COL9A2: variants seen among roughly 807,000 people sequenced by gnomAD.
The protein encoded by COL9A2 is collagen type IX alpha 2 chain.
COL9A2 carries 66 observed loss-of-function variants against 111.6 expected under a neutral mutation model. The ratio of observed to expected loss-of-function variants is 0.59; its 90% confidence interval spans 0.48 to 0.73. COL9A2 has a LOEUF of 0.73. Among genes scored for constraint, COL9A2 ranks in the 30% least tolerant of loss-of-function variants. The probability of loss-of-function intolerance (pLI) is 0.00; values close to 1 mark genes in which losing one functional copy is unlikely to be tolerated. For synonymous variants in COL9A2, 353 were observed against 364.1 expected (o/e 0.97, Z 0.35); for missense variants, 881 against 954.1 (o/e 0.92, Z 1.01).
chr1:40,316,690 C>T lies in COL9A2; in HGVS notation c.75+433G>A, dbSNP rs771139996. The T allele has an allele frequency of 2.3e-6, 1 of 428,506 alleles. No individual in the cohort carries two copies. Among genetic ancestry groups the T allele is most frequent in the South Asian group, 1.6e-5 (1 of 61,106 alleles). 26.5% of individuals were successfully genotyped at this position (428,506 alleles called of 1,614,324 possible). ...CCCCCGGCGGCCCTCGGAAGGGAGA[C>T]GTGGGTAGGCGGGCAGGGCCGAGAG... On this transcript the variant is annotated intron_variant, in intron 1 of 31. Transcript: ENST00000372748. This position sits in a 1 kb window ranked among gnomAD's most constrained non-coding sequence, Gnocchi z 5.5.
Position 40,315,627 on chromosome 1 carries a change from G to T in COL9A2, c.113C>A (p.Pro38Gln), listed in dbSNP as rs1415426205. 1 of 1,553,236 alleles carries T rather than the reference G, an allele frequency of 6.4e-7. No individual in the cohort carries two copies. Among genetic ancestry groups the T allele is most frequent in the African/African-American group, 1.4e-5 (1 of 73,552 alleles). Residue 38 changes from proline to glutamine, a missense_variant, in exon 2 of 32, where the codon CCG becomes CAG. Physicochemically the swap from Pro to Gln is moderately conservative, Grantham distance 76. Transcript: ENST00000372748. ...GGATCCAGGCACTCCCGGCGGTCCC[G>T]GGGGACCCGGGGGGCCCCGCTCTCC... ...PPGERGPPGP[P>Q]GPPGVPGSDG...
intron 21 of COL9A2, chr1:40,305,061 CTTTTTTTTT>C (rs869251364): frequency 5.7e-5 from 7 of 123,654 alleles, no homozygotes; most frequent in East Asian, 5.0e-4. Context: ...TTCTTTCTTT[CTTTTTTTTT>C]TTTTTTTTTT....
chr1:40,304,129 C>A, intron 24 of COL9A2, 30 bp from the exon 25 acceptor site: 2 of 1,535,606 alleles, frequency 1.3e-6, no homozygotes, highest in Non-Finnish European at 1.8e-6. Context: ...AGGGGTTTGG[C>A]GAGCTCCCCC....
Position 40,307,579 on chromosome 1 carries a change from A to T in COL9A2, c.955-80T>A. On this transcript the variant is annotated intron_variant, in intron 18 of 31. Coordinates refer to ENST00000372748, the MANE Select transcript of COL9A2 (RefSeq NM_001852.4). The surrounding 1 kb of genome is among the most constrained non-coding windows in gnomAD (Gnocchi z 4.8). Reference sequence around the variant, plus strand: ...GGCTTCTACCCAGATGCAGGTAGGGAAACTGAGATCCAGAGGCAAGAAAGG... The same window carrying T: ...GGCTTCTACCCAGATGCAGGTAGGGTAACTGAGATCCAGAGGCAAGAAAGG... 6.3e-7 allele frequency: 1 copy of T among 1,591,266 alleles called. No homozygotes were observed. The highest frequency in any genetic ancestry group is 1.1e-5 in the South Asian group (1 of 89,622).
intron 16 of COL9A2, among the ~76,000 whole-genome samples, chr1:40,308,615 A>G (rs1338710900): frequency 6.6e-6 from 1 of 152,240 alleles, no homozygotes. Flanking sequence ...GACATTTTTG[A>G]GATAATTGGG....
chr1:40,306,135 C>G lies in COL9A2; in HGVS notation c.1053+8G>C. On this transcript the variant is annotated splice_region_variant and intron_variant, in intron 20 of 31. Coordinates refer to ENST00000372748, the MANE Select transcript of COL9A2 (RefSeq NM_001852.4). Reference sequence around the variant, plus strand: ...CTCAATTCTGTCCCCAGCTTGGGATCGCCTCACCTGGTCTCCAGGGCCTCC... The same window carrying G: ...CTCAATTCTGTCCCCAGCTTGGGATGGCCTCACCTGGTCTCCAGGGCCTCC... The G allele has an allele frequency of 1.2e-6, 2 of 1,614,130 alleles. No homozygotes were observed. Among genetic ancestry groups the G allele is most frequent in the Non-Finnish European group, 1.7e-6 (2 of 1,179,994 alleles).
Position 40,317,080 on chromosome 1 carries a change from C to A in COL9A2, c.75+43G>T. ...AGCTCCTCCATCCCGGACTCCAGAC[C>A]CCGCACCCTGGACCCTGGCAGCGGA... On this transcript the variant is annotated intron_variant, in intron 1 of 31. Transcript: ENST00000372748. The surrounding 1 kb of genome is among the most constrained non-coding windows in gnomAD (Gnocchi z 4.3). The A allele has an allele frequency of 6.5e-7, 1 of 1,536,876 alleles. No homozygotes were observed. The highest frequency in any genetic ancestry group is 8.8e-7 in the Non-Finnish European group (1 of 1,133,478).
At position 40,312,878 on chromosome 1, in the gene COL9A2, G is replaced by T; in HGVS notation, c.250-94C>A. On this transcript the variant is annotated intron_variant, in intron 4 of 31. Coordinates refer to ENST00000372748, the MANE Select transcript of COL9A2 (RefSeq NM_001852.4). The surrounding 1 kb of genome is among the most constrained non-coding windows in gnomAD (Gnocchi z 6.0). ...TTCAAGGGTCCCTCCTGGGTGGGCC[G>T]AGGCTCCTTTTTGCCACACCTCATG... is the stretch of plus-strand genomic sequence containing the variant. 1 of 1,160,772 alleles carries T rather than the reference G, an allele frequency of 8.6e-7. No homozygotes were observed. The highest frequency in any genetic ancestry group is 1.3e-6 in the Non-Finnish European group (1 of 795,286). The allele number at this position is 1,160,772 out of a possible 1,614,324, so 71.9% of individuals were successfully genotyped here. A position where few individuals can be genotyped will look rare whatever the true frequency, so the allele number is the denominator to read the frequency against.
chr1:40,305,730 A>T lies in COL9A2; in HGVS notation c.1092T>A (p.Gly364=). 1 of 1,613,944 alleles carries T rather than the reference A, an allele frequency of 6.2e-7. No individual in the cohort carries two copies. Reference sequence around the variant, plus strand: ...GGGCATTTACCTCTTTCCCAGGGGGACCAGAGAATCCAGGAAGGCCCTGCG... The same window carrying T: ...GGGCATTTACCTCTTTCCCAGGGGGTCCAGAGAATCCAGGAAGGCCCTGCG... The part of the protein sequence containing the change: ...PGPQGLPGFS[G]PPGKEGEPGP... The change falls in exon 21 of 32, where the codon GGT becomes GGA. Residue 364 remains glycine (G), a synonymous_variant. Coordinates refer to ENST00000372748, the MANE Select transcript of COL9A2 (RefSeq NM_001852.4).
rs534817721 is a variant in COL9A2, at chr1:40,311,466, CTG to C, written c.519+32_519+33del. 28,405 of 1,603,426 alleles carry C rather than the reference CTG, an allele frequency of 0.018. 401 individuals carry two copies. Among genetic ancestry groups the C allele is most frequent in the Non-Finnish European group, 0.021 (24,445 of 1,170,950 alleles). ...TCCCCATCTCTGTGGCCCCGCCCCC[CTG>C]TGTTAGCCCCGCCCCAGACCTCGTC... is the stretch of plus-strand genomic sequence containing the variant. On this transcript the variant is annotated intron_variant, in intron 10 of 31. Coordinates refer to ENST00000372748, the MANE Select transcript of COL9A2 (RefSeq NM_001852.4). The surrounding 1 kb of genome is among the most constrained non-coding windows in gnomAD (Gnocchi z 5.1).
chr1:40,315,988 A>G (rs1322584169), intron 1 of COL9A2: 2 of 294,556 alleles, frequency 6.8e-6, no homozygotes, highest in Non-Finnish European at 6.3e-6. Flanking sequence ...GACTCCTTCC[A>G]CTGTGCCAGT....
rs745503013 is a variant in COL9A2, at chr1:40,304,397, GAGA to G, written c.1216-9_1216-7del. 3 of 1,605,130 alleles carry G rather than the reference GAGA, an allele frequency of 1.9e-6. No homozygotes were observed. The South Asian group carries it at 3.4e-5, about 18-fold the overall frequency. ...CCCTGCTCCCCCTTAGGGCCCTGAG[GAGA>G]AAAGAAACCAAAGGAATAAATGGAA... On this transcript the variant is annotated splice_region_variant and splice_polypyrimidine_tract_variant and intron_variant, in intron 23 of 31. Transcript: ENST00000372748.
rs921982785 is a variant in COL9A2, at chr1:40,310,574, C to T, written c.684+140G>A. ...GTCCCTCATTCCTGACAATTTCAGC[C>T]TCCATCTCCCCATCCAGAGATGCTC... is the stretch of plus-strand genomic sequence containing the variant. On this transcript the variant is annotated intron_variant, in intron 13 of 31. Transcript: ENST00000372748. This position sits in a 1 kb window ranked among gnomAD's most constrained non-coding sequence, Gnocchi z 4.9. 10 of 908,180 alleles carry T rather than the reference C, an allele frequency of 1.1e-5. No homozygotes were observed. The African/African-American group carries it at 1.2e-4, about 10-fold the overall frequency. 56.3% of individuals were successfully genotyped at this position (908,180 alleles called of 1,614,324 possible).
Position 40,310,665 on chromosome 1 carries a change from G to C in COL9A2, c.684+49C>G. On this transcript the variant is annotated intron_variant, in intron 13 of 31. Coordinates refer to ENST00000372748, the MANE Select transcript of COL9A2 (RefSeq NM_001852.4). The surrounding 1 kb of genome is among the most constrained non-coding windows in gnomAD (Gnocchi z 4.9). ...GAGCAGGGGAATGACTCCATGAAGG[G>C]CTCCTGGGGTGAGGGAGAAGAGGGC... 1 of 1,481,426 alleles carries C rather than the reference G, an allele frequency of 6.8e-7. No individual in the cohort carries two copies. The highest frequency in any genetic ancestry group is 9.3e-7 in the Non-Finnish European group (1 of 1,080,066). 91.8% of individuals were successfully genotyped at this position (1,481,426 alleles called of 1,614,324 possible).
chr1:40,315,870 C>A, intron 1 of COL9A2: 1 of 456,568 alleles, frequency 2.2e-6, no homozygotes, highest in East Asian at 3.4e-5. Flanking sequence ...GGGAGGCGGG[C>A]GCTATTACGG....
In COL9A2 at chr1:40,303,920, G is replaced by A. The variant is rs1348041026; in HGVS notation, c.1368+8C>T. 8.4e-6 allele frequency: 13 copies of A among 1,552,822 alleles called. No homozygotes were observed. The East Asian group carries it at 9.7e-5, about 12-fold the overall frequency. ...CGCTCCCCGCCCTTCCCTAGGCCGC[G>A]CGCTCACCTTCTCGCCTTTCTCTCC... On this transcript the variant is annotated splice_region_variant and intron_variant, in intron 26 of 31. Coordinates refer to ENST00000372748, the MANE Select transcript of COL9A2 (RefSeq NM_001852.4). This position sits in a 1 kb window ranked among gnomAD's most constrained non-coding sequence, Gnocchi z 4.6.
In COL9A2 at chr1:40,312,016, A is replaced by C; in HGVS notation, c.417+43T>G. The stretch of plus-strand genomic sequence containing the variant: ...GACCACCCAGCTTGCCAGCTTGGAG[A>C]TAGAAGGCAGGAGGCAGTGAACAGA... On this transcript the variant is annotated intron_variant, in intron 8 of 31. Transcript: ENST00000372748. This position sits in a 1 kb window ranked among gnomAD's most constrained non-coding sequence, Gnocchi z 6.0. 6.3e-7 allele frequency: 1 copy of C among 1,576,394 alleles called. No individual in the cohort carries two copies. The highest frequency in any genetic ancestry group is 8.6e-7 in the Non-Finnish European group (1 of 1,159,112).
rs187863974 is a variant in COL9A2 at position 40,307,373 on chromosome 1, C to G, written c.1008+73G>C. The G allele has an allele frequency of 3.5e-6, 5 of 1,433,962 alleles. No individual in the cohort carries two copies. Among genetic ancestry groups the G allele is most frequent in the South Asian group, 1.2e-5 (1 of 84,034 alleles). 88.8% of individuals were successfully genotyped at this position (1,433,962 alleles called of 1,614,324 possible). ...AGAGGTGGTGATTGAGCAAGAGCCC[C>G]GGGTGTGTGTGGATTCTAACCTCAT... On this transcript the variant is annotated intron_variant, in intron 19 of 31. Coordinates refer to ENST00000372748, the MANE Select transcript of COL9A2 (RefSeq NM_001852.4). The surrounding 1 kb of genome is among the most constrained non-coding windows in gnomAD (Gnocchi z 4.8).
intron 16 of COL9A2, 61 bp downstream of exon 16, chr1:40,309,877 C>A (rs941130879): frequency 5.8e-6 from 9 of 1,564,788 alleles, no homozygotes; most frequent in East Asian, 4.5e-5. Context: ...TTAGGGGGTG[C>A]CTTGTCCTGC....
Sources: allele counts gnomAD v4.1 joint callset (sites outside exome capture counted in the v4.1 genomes callset), GRCh38; gene constraint gnomAD v4.1.1; non-coding constraint Gnocchi (gnomAD v3.1); transcripts MANE v1.5; gene names NCBI Gene and HGNC (gene_info 2026-07-23, HGNC 2026-07-21).